Variants in SSPN observed in about 807,000 individuals in gnomAD.
SSPN encodes sarcospan.
In SSPN, 15 loss-of-function variants were observed where a neutral mutation model predicts 19.1. The observed-to-expected ratio is 0.78, with a 90% CI of 0.52 to 1.21. The LOEUF is 1.21. Ranked by LOEUF, SSPN falls within the 50% of genes most tolerant of loss-of-function variation. The pLI is 0.00. For synonymous variants in SSPN, 147 were observed against 140.3 expected, an observed-to-expected ratio of 1.05 and a Z score of -0.34; for missense variants, 291 against 314.0, an observed-to-expected ratio of 0.93 and a Z score of 0.55.
chr12:26,123,873 T>C, intron 1 of SSPN: 3 of 785,116 alleles, frequency 3.8e-6, no homozygotes, highest in South Asian at 1.4e-5. Flanking sequence ...CTTCTTGAGC[T>C]TTCCACAAGA....
In SSPN at chr12:26,124,078, T is replaced by C. The variant is rs527575305; in HGVS notation, c.-31+1926T>C. On this transcript the variant is annotated intron_variant, in intron 1 of 2. Coordinates refer to the SSPN transcript ENST00000538142. ...ATGAAAATGTGCATCTTACTGTCAA[T>C]TTCAGATGTTCAGGCAGTAAATCTT... 64 of 1,600,886 alleles carry C rather than the reference T, an allele frequency of 4.0e-5. No individual in the cohort carries two copies. In the East Asian group the frequency reaches 8.0e-4, roughly 20 times the overall value.
At chr12:26,197,583 C>T (rs886495265) in intron 1 of SSPN, among the ~76,000 whole-genome samples, 2 of 152,132 alleles carry the variant, frequency 1.3e-5, no homozygotes, top group South Asian at 2.1e-4. Context: ...AAGCTCAGCA[C>T]CAAAGAGGCA....
chr12:26,129,315 G>C (rs778541889), intron 1 of SSPN, among the ~76,000 whole-genome samples: 5 of 152,184 alleles, frequency 3.3e-5, no homozygotes, highest in Non-Finnish European at 5.9e-5. Flanking sequence ...ATCTAAAAAA[G>C]TTTTGGGTTG....
In SSPN at chr12:26,230,778, A is replaced by G. The variant is rs1373192664; in HGVS notation, c.434A>G (p.His145Arg). The G allele has an allele frequency of 6.2e-7, 1 of 1,614,030 alleles. No homozygotes were observed. Among genetic ancestry groups the G allele is most frequent in the Non-Finnish European group, 8.5e-7 (1 of 1,180,036 alleles). ...GTGCTGGCCGTGGCCTTTGCCGCCC[A>G]CCACTATTCGCAGCTCACACAGTTT... The part of the protein sequence containing the change: ...VCVLAVAFAA[H>R]HYSQLTQFTC... Residue 145 changes from histidine to arginine, a missense_variant, in exon 3 of 3, where the codon CAC (histidine) becomes CGC (arginine). Around this residue, in one of 3 missense-constraint regions of SSPN, gnomAD observed 141 missense variants for 166.7 expected, o/e 0.85. Transcript: ENST00000242729.
chr12:26,134,693 A>G (rs1944415209), intron 1 of SSPN, among the ~76,000 whole-genome samples: 2 of 152,218 alleles, frequency 1.3e-5, no homozygotes, highest in South Asian at 4.1e-4. Context: ...GAGGGTGGGG[A>G]ATATAATGTT....
intron 1 of SSPN, among the ~76,000 whole-genome samples, chr12:26,133,027 T>G (rs527369614): frequency 6.6e-6 from 1 of 152,340 alleles, no homozygotes; most frequent in African/African-American, 2.4e-5. Context: ...AAGGCTGGAA[T>G]GGTTTCATAC....
intron 1 of SSPN, among the ~76,000 whole-genome samples, chr12:26,199,351 T>G (rs1944857845): frequency 6.6e-6 from 1 of 152,204 alleles, no homozygotes; most frequent in South Asian, 2.1e-4. Context: ...TTGAAGTCTT[T>G]TTACTTTGAT....
rs943353828 is a variant in SSPN, at chr12:26,232,337, C to T, written c.*1261C>T. On this transcript the variant is annotated 3_prime_UTR_variant, in exon 3 of 3. Coordinates refer to ENST00000242729, the MANE Select transcript of SSPN (RefSeq NM_005086.5). ...GTTTTTAAGTGACTGTGGTTTAAAG[C>T]ACAAATGCCCCAAGGTGGGGAGACT... is the stretch of plus-strand genomic sequence containing the variant. 8.1e-6 allele frequency: 8 copies of T among 985,102 alleles called. No homozygotes were observed. The African/African-American group carries it at 1.2e-4, about 15-fold the overall frequency. The allele number at this position is 985,102 out of a possible 1,614,324, so 61.0% of individuals were successfully genotyped here.
chr12:26,185,896 C>G (rs1408083044), intron 1 of SSPN, among the ~76,000 whole-genome samples: 1 of 152,204 alleles, frequency 6.6e-6, no homozygotes, highest in African/African-American at 2.4e-5. Flanking sequence ...GTCTGTCTCC[C>G]TTCAGTTGAA....
intron 1 of SSPN, chr12:26,122,969 T>C (rs983554553): frequency 6.4e-7 from 1 of 1,562,646 alleles, no homozygotes; most frequent in Non-Finnish European, 8.7e-7. Flanking sequence ...GAGGGACCTG[T>C]TGAGTCAACA....
chr12:26,123,986 A>T, intron 1 of SSPN: 1 of 994,812 alleles, frequency 1.0e-6, no homozygotes, highest in Non-Finnish European at 1.6e-6. Context: ...ACTTATATTT[A>T]CATTTATTCT....
At chr12:26,201,605 TA>T (rs59736738) in intron 1 of SSPN, among the ~76,000 whole-genome samples, 6,314 of 147,352 alleles carry the variant, frequency 0.043, 404 homozygotes, top group African/African-American at 0.14. Context: ...TCTTCTTTTT[TA>T]AAAAAAAAAA....
chr12:26,151,732 A>T (rs961871361), intron 1 of SSPN, among the ~76,000 whole-genome samples: 1 of 152,128 alleles, frequency 6.6e-6, no homozygotes, highest in Non-Finnish European at 1.5e-5. Context: ...TCTAGTACAA[A>T]TTTTTTGTAA....
intron 1 of SSPN, among the ~76,000 whole-genome samples, chr12:26,163,858 GTA>G (rs1489194327): frequency 6.6e-6 from 1 of 152,044 alleles, no homozygotes; most frequent in Non-Finnish European, 1.5e-5. Flanking sequence ...ATTATGTCTA[GTA>G]TTCAACAAAT....
intron 1 of SSPN, among the ~76,000 whole-genome samples, chr12:26,222,217 C>T (rs1945128892): frequency 6.6e-6 from 1 of 152,184 alleles, no homozygotes; most frequent in Admixed American, 6.5e-5. Flanking sequence ...AACCAGGCAG[C>T]CATTTCCATT....
At chr12:26,214,777 C>G (rs1475125802) in intron 1 of SSPN, 1 of 151,786 alleles carries the variant, frequency 6.6e-6, no homozygotes, top group Non-Finnish European at 1.5e-5. Context: ...CTTGCTTTTA[C>G]CTAAAAATAT....
chr12:26,174,457 C>A (rs1036586417), intron 1 of SSPN, among the ~76,000 whole-genome samples: 2 of 114,720 alleles, frequency 1.7e-5, no homozygotes, highest in Non-Finnish European at 3.6e-5. Flanking sequence ...CTACCTCCTT[C>A]CCCATCCTGC....
Position 26,234,157 on chromosome 12 carries a change from A to G in SSPN, c.*3081A>G, listed in dbSNP as rs1263004940. The G allele has an allele frequency of 6.6e-6, 1 of 152,202 alleles. No homozygotes were observed. Among genetic ancestry groups the G allele is most frequent in the Non-Finnish European group, 1.5e-5 (1 of 68,044 alleles). The allele number at this position is 152,202 out of a possible 1,614,324, so 9.4% of individuals were successfully genotyped here. Reference sequence around the variant, plus strand: ...TCATGTCCAGGGCATGAGAATCTTAATATTCTTATACTTCCCTTTTTGCAT... The same window carrying G: ...TCATGTCCAGGGCATGAGAATCTTAGTATTCTTATACTTCCCTTTTTGCAT... On this transcript the variant is annotated 3_prime_UTR_variant, in exon 3 of 3. Transcript: ENST00000242729.
chr12:26,146,909 G>C (rs1481076342), intron 1 of SSPN, among the ~76,000 whole-genome samples: 1 of 151,072 alleles, frequency 6.6e-6, no homozygotes, highest in East Asian at 1.9e-4. Flanking sequence ...CAAAAAAGCA[G>C]TATGTATATT....
Sources: gnomAD v4.1 joint callset for allele counts (sites outside exome capture counted in the v4.1 genomes callset) on GRCh38, gnomAD v4.1.1 for gene constraint, gnomAD v4.1.1 regional missense constraint, MANE v1.5 for transcripts, NCBI Gene and HGNC (gene_info 2026-07-23, HGNC 2026-07-21) for gene names.